Variants in FSTL4 observed in about 807,000 individuals in gnomAD.
FSTL4 encodes the protein follistatin like 4.
In FSTL4, 28 loss-of-function variants were observed where a neutral mutation model predicts 78.2. The observed-to-expected ratio is 0.36, with a 90% CI of 0.27 to 0.49. The LOEUF (loss-of-function observed/expected upper bound fraction) is 0.49. Among genes scored for constraint, FSTL4 ranks in the 20% least tolerant of loss-of-function variants. The probability of loss-of-function intolerance (pLI) is 0.98; values close to 1 mark genes in which losing one functional copy is unlikely to be tolerated. For synonymous variants in FSTL4, 422 were observed against 440.5 expected (o/e 0.96, Z 0.53); for missense variants, 922 against 1,084.9 (o/e 0.85, Z 2.11).
At chr5:133,634,237 A>G in the FSTL4 span, among the ~76,000 whole-genome samples, 2 of 152,118 alleles carry the variant, frequency 1.3e-5, no homozygotes, top group Non-Finnish European at 2.9e-5. Context: ...TAGGATCCCT[A>G]CTTGGCCTTT....
At chr5:133,369,208 T>C (rs1466041127) in intron 4 of FSTL4, among the ~76,000 whole-genome samples, 1 of 152,210 alleles carries the variant, frequency 6.6e-6, no homozygotes, top group Non-Finnish European at 1.5e-5. Context: ...TCTTCCAAAG[T>C]TTAATGCCCA....
the FSTL4 span, among the ~76,000 whole-genome samples, chr5:133,643,852 G>A: frequency 1.3e-5 from 2 of 152,190 alleles, no homozygotes; most frequent in Non-Finnish European, 2.9e-5. Context: ...TACCCCATAC[G>A]TACAAGGAGG....
At chr5:133,557,963 T>A (rs1759823959) in intron 3 of FSTL4, among the ~76,000 whole-genome samples, 1 of 152,136 alleles carries the variant, frequency 6.6e-6, no homozygotes, top group South Asian at 2.1e-4. Context: ...AAACTTCACC[T>A]CCACCAGAAC....
chr5:133,313,606 A>G (rs1561667640), intron 5 of FSTL4, among the ~76,000 whole-genome samples: 1 of 152,110 alleles, frequency 6.6e-6, no homozygotes, highest in Non-Finnish European at 1.5e-5. Context: ...CTCAGAAGAA[A>G]GAAAATGATT....
At chr5:133,598,192 A>G (rs1453840919) in intron 2 of FSTL4, among the ~76,000 whole-genome samples, 1 of 152,042 alleles carries the variant, frequency 6.6e-6, no homozygotes, top group African/African-American at 2.4e-5. Flanking sequence ...AAAAGGCCAG[A>G]GTCAATCCAA....
chr5:133,421,351 C>G (rs558683549), intron 3 of FSTL4, among the ~76,000 whole-genome samples: 2 of 152,344 alleles, frequency 1.3e-5, no homozygotes, highest in Non-Finnish European at 2.9e-5. Flanking sequence ...CCAAAGGAAA[C>G]CCCTAGCTGA....
chr5:133,817,171 C>T, the FSTL4 span, among the ~76,000 whole-genome samples: 3 of 152,360 alleles, frequency 2.0e-5, no homozygotes, highest in South Asian at 2.1e-4. Flanking sequence ...TTTAAATCCT[C>T]GCGACAGCCC....
intron 4 of FSTL4, among the ~76,000 whole-genome samples, chr5:133,373,976 C>T (rs1755375814): frequency 6.6e-6 from 1 of 152,216 alleles, no homozygotes; most frequent in African/African-American, 2.4e-5. Flanking sequence ...TAACCACACT[C>T]AGCAGCACAG....
intron 4 of FSTL4, among the ~76,000 whole-genome samples, chr5:133,330,559 C>T (rs1336160219): frequency 1.3e-5 from 2 of 152,176 alleles, no homozygotes; most frequent in East Asian, 1.9e-4. Context: ...GATCCAATCA[C>T]CTCCTACCAG....
At chr5:133,496,179 A>C (rs1345871522) in intron 3 of FSTL4, among the ~76,000 whole-genome samples, 1 of 152,222 alleles carries the variant, frequency 6.6e-6, no homozygotes, top group Non-Finnish European at 1.5e-5. Flanking sequence ...ACCTACACCC[A>C]ATTCCTTTAA....
the FSTL4 span, among the ~76,000 whole-genome samples, chr5:133,673,342 C>T: frequency 2.0e-5 from 3 of 152,312 alleles, no homozygotes; most frequent in South Asian, 2.1e-4. Context: ...CAGCAGTCAC[C>T]AGGGCAGAGC....
chr5:133,328,573 T>A (rs1216297118), intron 4 of FSTL4, among the ~76,000 whole-genome samples: 2 of 152,204 alleles, frequency 1.3e-5, no homozygotes, highest in African/African-American at 4.8e-5. Flanking sequence ...TTTTTACTAT[T>A]GTGTTAGTGG....
the FSTL4 span, among the ~76,000 whole-genome samples, chr5:133,837,525 A>G: frequency 6.6e-6 from 1 of 152,208 alleles, no homozygotes; most frequent in Non-Finnish European, 1.5e-5. Context: ...CTCATTCAAG[A>G]GAGGGTTCAT....
At chr5:133,823,435 C>T in the FSTL4 span, among the ~76,000 whole-genome samples, 1 of 152,132 alleles carries the variant, frequency 6.6e-6, no homozygotes, top group African/African-American at 2.4e-5. Flanking sequence ...TTTGGGCCCC[C>T]TTGGACAGAG....
At chr5:133,763,379 A>G in the FSTL4 span, among the ~76,000 whole-genome samples, 2 of 152,246 alleles carry the variant, frequency 1.3e-5, no homozygotes, top group African/African-American at 4.8e-5. Flanking sequence ...AAAAAGGGCC[A>G]GATCATCAGC....
At chr5:133,473,363 AC>A (rs1757863479) in intron 3 of FSTL4, among the ~76,000 whole-genome samples, 2 of 152,172 alleles carry the variant, frequency 1.3e-5, no homozygotes, top group South Asian at 4.1e-4. Flanking sequence ...TTTGGTCGTG[AC>A]TGGACAAAGT....
At chr5:133,424,068 G>C (rs1756755894) in intron 3 of FSTL4, among the ~76,000 whole-genome samples, 1 of 152,220 alleles carries the variant, frequency 6.6e-6, no homozygotes, top group African/African-American at 2.4e-5. Flanking sequence ...AATCGGACTG[G>C]GCTCCCTGTG....
intron 7 of FSTL4, among the ~76,000 whole-genome samples, chr5:133,242,516 G>C (rs1751904133): frequency 6.6e-6 from 1 of 152,104 alleles, no homozygotes; most frequent in Non-Finnish European, 1.5e-5. Flanking sequence ...TACAAGTCAA[G>C]CCCTGAGGCC....
the FSTL4 span, among the ~76,000 whole-genome samples, chr5:133,711,091 T>G: frequency 6.6e-6 from 1 of 152,126 alleles, no homozygotes; most frequent in Non-Finnish European, 1.5e-5. Context: ...GTCAGAGAAT[T>G]TAAGTACCAA....
Sources: allele counts gnomAD v4.1 joint callset (sites outside exome capture counted in the v4.1 genomes callset), GRCh38; gene constraint gnomAD v4.1.1; transcripts MANE v1.5; gene names NCBI Gene and HGNC (gene_info 2026-07-23, HGNC 2026-07-21).